Variants in KANSL3 observed in about 807,000 individuals in gnomAD.
The protein encoded by KANSL3 is NSL complex protein NSL3.
A neutral mutation model predicts 89.2 loss-of-function variants in KANSL3; 16 were observed. The ratio of observed to expected loss-of-function variants is 0.18; its 90% CI spans 0.12 to 0.27. KANSL3 has a LOEUF of 0.27. Among genes scored for constraint, KANSL3 ranks in the 10% least tolerant of loss-of-function variants. The pLI is 1.00. For missense variants in KANSL3, 879 were observed against 1,110.6 expected (o/e 0.79, Z 2.96); for synonymous variants, 385 against 419.7 (o/e 0.92, Z 1.01).
downstream of KANSL3, among the ~76,000 whole-genome samples, chr2:96,590,584 G>C (rs2066264746): frequency 6.6e-6 from 1 of 151,060 alleles, no homozygotes; most frequent in South Asian, 2.2e-4. Context: ...CCATCAGGCT[G>C]GGCTGGCAGT....
In KANSL3 at chr2:96,619,658, T is replaced by G. The variant is rs1322951125; in HGVS notation, c.477+14A>C. 1 of 1,578,616 alleles carries G rather than the reference T, an allele frequency of 6.3e-7. No individual in the cohort carries two copies. Among genetic ancestry groups the G allele is most frequent in the East Asian group, 2.3e-5 (1 of 42,720 alleles). On this transcript the variant is annotated intron_variant, in intron 4 of 20. Coordinates refer to ENST00000431828, the MANE Select transcript of KANSL3 (RefSeq NM_001115016.3). ...TACGAAGAGCCCACTGTGGGCGGAT[T>G]GCTGGTGTCTTACCCCTTCGTTGGC...
intron 2 of KANSL3, among the ~76,000 whole-genome samples, chr2:96,635,424 C>A (rs2074100870): frequency 1.3e-5 from 2 of 152,166 alleles, no homozygotes; most frequent in Admixed American, 6.6e-5. Flanking sequence ...ACCAAAAGAA[C>A]CAAGTCCACA....
intron 2 of KANSL3, among the ~76,000 whole-genome samples, chr2:96,633,667 AC>A (rs1236646518): frequency 1.3e-5 from 2 of 151,986 alleles, no homozygotes; most frequent in Non-Finnish European, 2.9e-5. Flanking sequence ...GGAGTTTGCA[AC>A]CAGCCTGGGC....
At chr2:96,604,121 C>T in intron 17 of KANSL3, 129 bp downstream of exon 17, 1 of 1,042,934 alleles carries the variant, frequency 9.6e-7, no homozygotes, top group Non-Finnish European at 1.3e-6. Context: ...CGTCAAGCCT[C>T]TATGATCACT....
intron 3 of KANSL3, among the ~76,000 whole-genome samples, chr2:96,627,627 TA>T (rs2072600573): frequency 1.3e-5 from 2 of 152,170 alleles, no homozygotes; most frequent in African/African-American, 4.8e-5. Context: ...GAGCAATCAG[TA>T]AACTCTCCGG....
rs2106324640 is a variant in KANSL3, at chr2:96,636,944, G to A, written c.192C>T (p.Pro64=). ...ARPTRMLFVT[P]RRQHESTIES... ...ACATGGTACTTTCGTGCTGCCGCCG[G>A]GGAGTGACAAAGAGCATGCGGGTGG... The change falls in exon 2 of 21, where the codon CCC becomes CCT. Residue 64 remains proline (P), a synonymous_variant. Coordinates refer to ENST00000431828, the MANE Select transcript of KANSL3 (RefSeq NM_001115016.3). 6.5e-7 allele frequency: 1 copy of A among 1,541,522 alleles called. No individual in the cohort carries two copies. Among genetic ancestry groups the A allele is most frequent in the Non-Finnish European group, 8.8e-7 (1 of 1,140,834 alleles).
At chr2:96,586,838 C>A in the KANSL3 span, among the ~76,000 whole-genome samples, 1 of 152,216 alleles carries the variant, frequency 6.6e-6, no homozygotes, top group Non-Finnish European at 1.5e-5. Flanking sequence ...TGAGAGAATT[C>A]CTAATTCTAA....
Position 96,624,440 on chromosome 2 carries a change from T to A in KANSL3, c.387-4678A>T, listed in dbSNP as rs529378730. On this transcript the variant is annotated intron_variant, in intron 3 of 20. Transcript: ENST00000431828. The stretch of plus-strand genomic sequence containing the variant: ...ATTTGTGGACATTTAGGTTGTGCAT[T>A]TTTTATTGCAATTTATAAGCCACTG... 3.0e-4 allele frequency among the ~76,000 whole-genome samples: 46 copies of A among 152,328 alleles called. 1 individual carries two copies. The highest frequency in any genetic ancestry group is 2.7e-3 in the Admixed American group (41 of 15,298).
intron 2 of KANSL3, 33 bp downstream of exon 2, chr2:96,636,888 G>C (rs1347071399): frequency 6.8e-7 from 1 of 1,464,728 alleles, no homozygotes; most frequent in East Asian, 2.5e-5. Context: ...TGCCCAGTGA[G>C]GTTACCAGCA....
chr2:96,614,812 A>G (rs1271672289), intron 5 of KANSL3, among the ~76,000 whole-genome samples: 1 of 151,490 alleles, frequency 6.6e-6, no homozygotes, highest in African/African-American at 2.4e-5. Context: ...AAAAAAAGAA[A>G]AAAATTATCT....
chr2:96,581,577 C>G, the KANSL3 span, among the ~76,000 whole-genome samples: 1 of 152,046 alleles, frequency 6.6e-6, no homozygotes. Flanking sequence ...TTATCTTTTG[C>G]TCCCTTACCC....
chr2:96,593,479 GT>G lies in KANSL3; in HGVS notation c.*2131del. 3 of 368,272 alleles carry G rather than the reference GT, an allele frequency of 8.1e-6. No individual in the cohort carries two copies. The highest frequency in any genetic ancestry group is 1.1e-5 in the Non-Finnish European group (2 of 185,454). 22.8% of individuals were successfully genotyped at this position (368,272 alleles called of 1,614,324 possible). A position where few individuals can be genotyped will look rare whatever the true frequency, so the allele number is the denominator to read the frequency against. On this transcript the variant is annotated 3_prime_UTR_variant, in exon 21 of 21. Transcript: ENST00000431828. ...TTCCTTTCGCGTTCCAAGAAATATA[GT>G]TTGCGAAGGGAACTGGAAAACGTGA...
At chr2:96,601,518 G>A in intron 20 of KANSL3, 125 bp downstream of exon 20, 1 of 1,423,278 alleles carries the variant, frequency 7.0e-7, no homozygotes, top group Non-Finnish European at 9.2e-7. Flanking sequence ...CCAGAATACA[G>A]ATTTGAATTT....
At position 96,619,339 on chromosome 2, in the gene KANSL3, G is replaced by A; in HGVS notation, c.663+20C>T. 6.2e-7 allele frequency: 1 copy of A among 1,600,206 alleles called. No homozygotes were observed. Among genetic ancestry groups the A allele is most frequent in the Non-Finnish European group, 8.5e-7 (1 of 1,172,230 alleles). ...GGATGGCTATCCCTAGGACAGGGCA[G>A]ACCCCAATCACAGCCTTACCTTCCC... On this transcript the variant is annotated intron_variant, in intron 5 of 20. Coordinates refer to ENST00000431828, the MANE Select transcript of KANSL3 (RefSeq NM_001115016.3).
intron 2 of KANSL3, among the ~76,000 whole-genome samples, chr2:96,632,492 G>A (rs1176224424): frequency 2.0e-5 from 3 of 152,086 alleles, no homozygotes; most frequent in Non-Finnish European, 4.4e-5. Context: ...CCATAAGCAA[G>A]TTGATTTGGC....
rs762016974 is a variant in KANSL3, at chr2:96,611,135, A to C, written c.1090T>G (p.Ser364Ala). The C allele has an allele frequency of 5.0e-6, 8 of 1,613,494 alleles. No individual in the cohort carries two copies. In the African/African-American group the frequency reaches 1.1e-4, roughly 22 times the overall value. The change falls in exon 10 of 21, where the codon TCA becomes GCA. Residue 364 changes from serine to alanine, a missense_variant. This residue lies in a region of KANSL3 where 198 missense variants were observed against 260.3 expected (regional missense o/e 0.76). Transcript: ENST00000431828. Reference protein sequence around the residue: ...NTGALVACHVSVMEYVTAVVC... With the variant: ...NTGALVACHVAVMEYVTAVVC... The stretch of plus-strand genomic sequence containing the variant: ...ACTGCAGTGACATACTCCATTACTG[A>C]CACCTGTAAATAACAGAACAGTTTG...
chr2:96,604,384 G>A lies in KANSL3; in HGVS notation c.2019-4C>T. 1 of 1,609,504 alleles carries A rather than the reference G, an allele frequency of 6.2e-7. No homozygotes were observed. Among genetic ancestry groups the A allele is most frequent in the Admixed American group, 1.7e-5 (1 of 59,866 alleles). On this transcript the variant is annotated splice_polypyrimidine_tract_variant and splice_region_variant and intron_variant, in intron 16 of 20. Transcript: ENST00000431828. ...TCCACCTTCAGAAGAACTGGACCTG[G>A]AGACAAAGGAAGGAGCTCTGTTATC... is the stretch of plus-strand genomic sequence containing the variant.
chr2:96,592,722 G>C (rs1397512593), downstream of KANSL3, among the ~76,000 whole-genome samples: 1 of 152,194 alleles, frequency 6.6e-6, no homozygotes, highest in East Asian at 1.9e-4. Flanking sequence ...GGAAATTACA[G>C]GCTGGGTGTG....
chr2:96,602,086 G>C, intron 19 of KANSL3, 30 bp downstream of exon 19: 1 of 1,535,200 alleles, frequency 6.5e-7, no homozygotes, highest in Non-Finnish European at 8.8e-7. Flanking sequence ...CCAGATCTGG[G>C]AGTCCCCACA....
Sources: allele counts gnomAD v4.1 joint callset (sites outside exome capture counted in the v4.1 genomes callset), GRCh38; gene constraint gnomAD v4.1.1; regional missense constraint gnomAD v4.1.1; transcripts MANE v1.5; gene names NCBI Gene and HGNC (gene_info 2026-07-23, HGNC 2026-07-21).